Variants in RFC2 observed in about 807,000 individuals in gnomAD.
RFC2 encodes the protein replication factor C subunit 2.
In RFC2, 34 loss-of-function variants were observed where a neutral mutation model predicts 44.8. The observed-to-expected ratio is 0.76, with a 90% CI of 0.58 to 1.01. The LOEUF is 1.01. Ranked by LOEUF, RFC2 falls within the 50% of genes least tolerant of loss-of-function variation. The pLI, the probability that RFC2 is intolerant of heterozygous loss-of-function variation, is 0.00. For missense variants in RFC2, 400 were observed against 453.6 expected, an observed-to-expected ratio of 0.88 and a Z score of 1.07; for synonymous variants, 177 against 168.9, an observed-to-expected ratio of 1.05 and a Z score of -0.37.
chr7:74,239,054 A>T (rs1554718831), intron 7 of RFC2, 66 bp from the exon 8 acceptor site: 2 of 1,309,698 alleles, frequency 1.5e-6, no homozygotes, highest in Non-Finnish European at 2.2e-6. Flanking sequence ...TAGAGACAGG[A>T]GTCTCGCTAT....
chr7:74,243,488 T>C (rs1033430842), intron 5 of RFC2, among the ~76,000 whole-genome samples: 3 of 152,034 alleles, frequency 2.0e-5, no homozygotes, highest in Admixed American at 1.3e-4. Flanking sequence ...AAAACCACGA[T>C]CTACAAGGGC....
At chr7:74,234,776 G>A (rs1346788555) in intron 10 of RFC2, among the ~76,000 whole-genome samples, 3 of 152,070 alleles carry the variant, frequency 2.0e-5, no homozygotes, top group African/African-American at 7.2e-5. Context: ...TGCATGCACA[G>A]GCTCCCACTT....
chr7:74,253,903 ATAT>A (rs1401400090), intron 1 of RFC2, among the ~76,000 whole-genome samples: 1 of 152,194 alleles, frequency 6.6e-6, no homozygotes, highest in African/African-American at 2.4e-5. Context: ...AACAGTCAAA[ATAT>A]TATTTTCAAC....
intron 4 of RFC2, among the ~76,000 whole-genome samples, 199 bp from the exon 5 acceptor site, chr7:74,246,962 A>C (rs1171745589): frequency 6.6e-6 from 1 of 151,170 alleles, no homozygotes; most frequent in African/African-American, 2.4e-5. Context: ...TCAAAGAACA[A>C]AGAAAATATA....
At chr7:74,241,182 C>T (rs1057036700) in intron 6 of RFC2, among the ~76,000 whole-genome samples, 1 of 152,190 alleles carries the variant, frequency 6.6e-6, no homozygotes, top group East Asian at 1.9e-4. Flanking sequence ...CCACCTGCCT[C>T]GGCCTCCCAA....
chr7:74,235,181 C>T (rs151047099), intron 10 of RFC2, among the ~76,000 whole-genome samples: 19 of 152,314 alleles, frequency 1.2e-4, no homozygotes, highest in African/African-American at 4.3e-4. Flanking sequence ...GGATTATAGG[C>T]GCTTGCCACC....
At chr7:74,237,271 G>A in intron 9 of RFC2, 91 bp downstream of exon 9, 1 of 807,794 alleles carries the variant, frequency 1.2e-6, no homozygotes, top group South Asian at 1.5e-5. Context: ...GGAGTGATGT[G>A]TATAATGTCC....
chr7:74,237,324 A>G, intron 9 of RFC2, 38 bp downstream of exon 9: 1 of 1,461,428 alleles, frequency 6.8e-7, no homozygotes, highest in Non-Finnish European at 9.5e-7. Flanking sequence ...CCAAGAAGTG[A>G]GCGGTTCCTC....
At chr7:74,240,170 G>C (rs998850228) in intron 6 of RFC2, 75 bp from the exon 7 acceptor site, 8 of 1,374,138 alleles carry the variant, frequency 5.8e-6, no homozygotes, top group Non-Finnish European at 8.2e-6. Flanking sequence ...TGGTCATAAG[G>C]CTGCAGCTGC....
At chr7:74,248,465 ACAAAAAT>A (rs1554720465) in intron 4 of RFC2, among the ~76,000 whole-genome samples, 1 of 152,030 alleles carries the variant, frequency 6.6e-6, no homozygotes, top group Non-Finnish European at 1.5e-5. Context: ...TCCCATCTCT[ACAAAAAT>A]TTTTAAACTT....
intron 5 of RFC2, 56 bp from the exon 6 acceptor site, chr7:74,243,302 C>T (rs1452205352): frequency 3.1e-5 from 38 of 1,208,368 alleles, no homozygotes; most frequent in Non-Finnish European, 4.4e-5. Context: ...TGACACAAAT[C>T]GTTCCCTATA....
chr7:74,249,151 C>G (rs1554720600), intron 3 of RFC2, 33 bp from the exon 4 acceptor site: 1 of 1,613,346 alleles, frequency 6.2e-7, no homozygotes, highest in Admixed American at 1.7e-5. Context: ...AGACTTCAAA[C>G]CACCAGAAGG....
At chr7:74,249,572 A>C (rs1488365581) in intron 3 of RFC2, among the ~76,000 whole-genome samples, 167 bp downstream of exon 3, 1 of 151,850 alleles carries the variant, frequency 6.6e-6, no homozygotes, top group African/African-American at 2.4e-5. Context: ...AATAAAAAAA[A>C]ATACAGCAAC....
chr7:74,249,806 C>G, intron 2 of RFC2, 26 bp from the exon 3 acceptor site: 1 of 1,605,814 alleles, frequency 6.2e-7, no homozygotes, highest in South Asian at 1.1e-5. Flanking sequence ...TCATTAAAAC[C>G]GGTTAAAACT....
At chr7:74,237,742 G>T (rs1190402238) in intron 8 of RFC2, among the ~76,000 whole-genome samples, 3 of 152,182 alleles carry the variant, frequency 2.0e-5, no homozygotes, top group African/African-American at 7.2e-5. Flanking sequence ...ATCTGTCTTA[G>T]ATCACTTGGG....
chr7:74,254,229 T>C (rs1554721540), intron 1 of RFC2, 42 bp downstream of exon 1: 1 of 1,464,660 alleles, frequency 6.8e-7, no homozygotes, highest in South Asian at 1.2e-5. Context: ...TCGCCCACCC[T>C]CACGTCCAAA....
At chr7:74,249,849 A>G in intron 2 of RFC2, 69 bp from the exon 3 acceptor site, 1 of 1,360,596 alleles carries the variant, frequency 7.3e-7, no homozygotes, top group South Asian at 1.2e-5. Flanking sequence ...AAAGATAGAA[A>G]AAAGAACAAA....
chr7:74,232,022 A>C lies in RFC2; in HGVS notation c.*84T>G. ...GGACAGTCATGTTGGCTCCAGCCTA[A>C]GGCGGCATTTTCCCCCATCAGAAAG... is the stretch of plus-strand genomic sequence containing the variant. On this transcript the variant is annotated 3_prime_UTR_variant, in exon 11 of 11. Coordinates refer to ENST00000055077, the MANE Select transcript of RFC2 (RefSeq NM_181471.3). The C allele has an allele frequency of 2.4e-6, 2 of 816,612 alleles. No individual in the cohort carries two copies. The highest frequency in any genetic ancestry group is 4.2e-6 in the Non-Finnish European group (2 of 475,156). 50.6% of individuals were successfully genotyped at this position (816,612 alleles called of 1,614,324 possible).
chr7:74,243,137 C>T lies in RFC2; in HGVS notation c.535+9G>A, dbSNP rs782416320. ...ACGTGGCCCCCAGCCACCGAAAGCTCCCACTCACCGATGATCTTATCCGAA... is the reference window on the plus strand; with the variant it reads ...ACGTGGCCCCCAGCCACCGAAAGCTTCCACTCACCGATGATCTTATCCGAA... On this transcript the variant is annotated intron_variant, in intron 6 of 10. Transcript: ENST00000055077. The T allele has an allele frequency of 1.9e-6, 3 of 1,597,904 alleles. No individual in the cohort carries two copies. Among genetic ancestry groups the T allele is most frequent in the Non-Finnish European group, 2.6e-6 (3 of 1,165,538 alleles).
Sources: gnomAD v4.1 joint callset for allele counts (sites outside exome capture counted in the v4.1 genomes callset) on GRCh38, gnomAD v4.1.1 for gene constraint, MANE v1.5 for transcripts, NCBI Gene and HGNC (gene_info 2026-07-23, HGNC 2026-07-21) for gene names.